DCDC2C: variants seen among roughly 807,000 people sequenced by gnomAD.
DCDC2C encodes doublecortin domain-containing protein 2C.
A neutral mutation model predicts 45.0 loss-of-function variants in DCDC2C; 44 were observed. The ratio of observed to expected loss-of-function variants is 0.98; its 90% CI spans 0.77 to 1.26. The LOEUF is 1.26. DCDC2C is among the 50% of genes most tolerant of loss of function. The pLI, the probability that DCDC2C is intolerant of heterozygous loss-of-function variation, is 0.00. For missense variants in DCDC2C, 447 were observed against 468.9 expected, an observed-to-expected ratio of 0.95 and a Z score of 0.43; for synonymous variants, 187 against 178.8, an observed-to-expected ratio of 1.05 and a Z score of -0.37.
intron 10 of DCDC2C, among the ~76,000 whole-genome samples, chr2:3,826,487 T>G (rs1268352151): frequency 3.9e-5 from 6 of 152,062 alleles, no homozygotes; most frequent in Admixed American, 3.9e-4. Flanking sequence ...TTGTAGGTAT[T>G]AGCTTTTTTT....
At chr2:3,830,144 T>C (rs1016689251) in intron 10 of DCDC2C, among the ~76,000 whole-genome samples, 3 of 152,202 alleles carry the variant, frequency 2.0e-5, no homozygotes, top group Non-Finnish European at 4.4e-5. Flanking sequence ...AACCCAATGG[T>C]TAATGTTTGC....
chr2:3,831,139 TA>T, intron 10 of DCDC2C, among the ~76,000 whole-genome samples: 1 of 152,272 alleles, frequency 6.6e-6, no homozygotes, highest in East Asian at 1.9e-4. Flanking sequence ...CTGGCAGCCG[TA>T]AAAACTTGGG....
chr2:3,813,068 T>TATATATATATATATA (rs1491343444), intron 10 of DCDC2C, among the ~76,000 whole-genome samples: 538 of 51,500 alleles, frequency 0.01, 17 homozygotes, highest in African/African-American at 0.012. Flanking sequence ...TATATATATA[T>TATATATATATATATA]TTTTTTTTTT....
intron 10 of DCDC2C, among the ~76,000 whole-genome samples, chr2:3,813,052 TATATATATATATA>T (rs1339291360): frequency 9.0e-5 from 8 of 88,416 alleles, no homozygotes; most frequent in African/African-American, 4.0e-4. Context: ...TATATATATA[TATATATATATATA>T]TATTTTTTTT....
chr2:3,732,571 A>G (rs887992497), intron 3 of DCDC2C, among the ~76,000 whole-genome samples: 1 of 152,188 alleles, frequency 6.6e-6, no homozygotes, highest in Non-Finnish European at 1.5e-5. Flanking sequence ...CCAAAATACC[A>G]GATCTCATAC....
chr2:3,732,273 C>T lies in DCDC2C; in HGVS notation c.416+5194C>T, dbSNP rs2148086269. Among the ~76,000 whole-genome samples, 3 of 152,108 alleles carry T rather than the reference C, an allele frequency of 2.0e-5. 1 individual carries two copies. The South Asian group carries it at 6.3e-4, about 32-fold the overall frequency. On this transcript the variant is annotated intron_variant, in intron 3 of 10. Coordinates refer to ENST00000399143, the MANE Select transcript of DCDC2C (RefSeq NM_001287444.2). ...CTTGTTCCATGATCTCGGAGAGAAG[C>T]CAACTGTGTCATGGCATCACCCGCT...
Position 3,737,973 on chromosome 2 carries a change from T to G in DCDC2C, c.417-3947T>G, listed in dbSNP as rs144767383. On this transcript the variant is annotated intron_variant, in intron 3 of 10. Coordinates refer to ENST00000399143, the MANE Select transcript of DCDC2C (RefSeq NM_001287444.2). ...TTTTGAAATCTCTTCAGAGTTTTTA[T>G]TTAAATAAACCATCTTATTTAACAG... Among the ~76,000 whole-genome samples, 1,326 of 152,340 alleles carry G rather than the reference T, an allele frequency of 8.7e-3. 35 individuals are homozygous for G. Among genetic ancestry groups the G allele is most frequent in the Admixed American group, 0.034 (519 of 15,302 alleles).
intron 3 of DCDC2C, among the ~76,000 whole-genome samples, chr2:3,732,983 T>C (rs1240662386): frequency 1.3e-5 from 2 of 152,232 alleles, no homozygotes; most frequent in Non-Finnish European, 2.9e-5. Context: ...TGTGTAATTT[T>C]GCTAGTGAAA....
chr2:3,719,234 C>A (rs530933087), intron 2 of DCDC2C, among the ~76,000 whole-genome samples: 1 of 152,038 alleles, frequency 6.6e-6, no homozygotes, highest in Admixed American at 6.6e-5. Context: ...TACAGGTGCC[C>A]GCCACCATGC....
chr2:3,816,011 G>T (rs1048789285), intron 10 of DCDC2C, among the ~76,000 whole-genome samples: 1 of 147,940 alleles, frequency 6.8e-6, no homozygotes, highest in African/African-American at 2.4e-5. Context: ...TTTTTTGGGT[G>T]GTATGGAGAG....
At chr2:3,812,440 A>G (rs1671423234) in intron 10 of DCDC2C, among the ~76,000 whole-genome samples, 1 of 151,860 alleles carries the variant, frequency 6.6e-6, no homozygotes, top group African/African-American at 2.4e-5. Flanking sequence ...CCCCTTTATC[A>G]TTTTTTATTG....
intron 10 of DCDC2C, among the ~76,000 whole-genome samples, chr2:3,805,101 GT>G (rs1671206467): frequency 6.6e-6 from 1 of 152,168 alleles, no homozygotes; most frequent in African/African-American, 2.4e-5. Context: ...CAAGAATCAT[GT>G]GCAGGGCCAA....
At chr2:3,738,023 T>G (rs1033436431) in intron 3 of DCDC2C, among the ~76,000 whole-genome samples, 1 of 152,190 alleles carries the variant, frequency 6.6e-6, no homozygotes, top group Admixed American at 6.5e-5. Context: ...ATGGTAAATA[T>G]ATATTTTTAA....
At chr2:3,805,899 G>A (rs1285302052) in intron 10 of DCDC2C, among the ~76,000 whole-genome samples, 1 of 152,178 alleles carries the variant, frequency 6.6e-6, no homozygotes, top group Non-Finnish European at 1.5e-5. Context: ...TTTTGAGACA[G>A]GGTCTTGCTC....
intron 8 of DCDC2C, among the ~76,000 whole-genome samples, chr2:3,778,395 T>A (rs1312139257): frequency 6.6e-6 from 1 of 152,180 alleles, no homozygotes; most frequent in Non-Finnish European, 1.5e-5. Context: ...CTTCTGCCAG[T>A]GTGCCATGAA....
chr2:3,742,121 G>A (rs748995105), intron 4 of DCDC2C, 73 bp downstream of exon 4: 1 of 1,430,748 alleles, frequency 7.0e-7, no homozygotes. Context: ...AGAGTTTTCT[G>A]CCTGGACCAG....
In DCDC2C at chr2:3,703,669, G is replaced by A. The variant is rs967198400; in HGVS notation, c.-83G>A. On this transcript the variant is annotated 5_prime_UTR_variant, in exon 1 of 11. Coordinates refer to ENST00000399143, the MANE Select transcript of DCDC2C (RefSeq NM_001287444.2). This position sits in a 1 kb window ranked among gnomAD's most constrained non-coding sequence, Gnocchi z 4.4. ...AGCGGACCTCCCGTCGGCGGTGCCC[G>A]GGCCTGGGCGCGGCTCTGCAGGCGT... is the stretch of plus-strand genomic sequence containing the variant. 8 of 1,197,304 alleles carry A rather than the reference G, an allele frequency of 6.7e-6. No homozygotes were observed. The highest frequency in any genetic ancestry group is 8.3e-6 in the Non-Finnish European group (8 of 961,862). The allele number at this position is 1,197,304 out of a possible 1,614,324, so 74.2% of individuals were successfully genotyped here. A position where few individuals can be genotyped will look rare whatever the true frequency, so the allele number is the denominator to read the frequency against.
intron 7 of DCDC2C, among the ~76,000 whole-genome samples, chr2:3,768,328 A>G (rs1670068717): frequency 6.6e-6 from 1 of 152,094 alleles, no homozygotes; most frequent in African/African-American, 2.4e-5. Flanking sequence ...AAGTGCTCTG[A>G]CATCTATTTT....
intron 4 of DCDC2C, among the ~76,000 whole-genome samples, chr2:3,751,073 T>C (rs1253175781): frequency 6.6e-6 from 1 of 152,252 alleles, no homozygotes; most frequent in Non-Finnish European, 1.5e-5. Flanking sequence ...TTTTATGGTT[T>C]CATATTCTTG....
Sources: gnomAD v4.1 joint callset for allele counts (sites outside exome capture counted in the v4.1 genomes callset) on GRCh38, gnomAD v4.1.1 for gene constraint, Gnocchi (gnomAD v3.1) non-coding constraint, MANE v1.5 for transcripts, NCBI Gene and HGNC (gene_info 2026-07-23, HGNC 2026-07-21) for gene names.